Variants in TMEM232 observed in about 807,000 individuals in gnomAD.
TMEM232 encodes the protein transmembrane protein 232.
A neutral mutation model predicts 78.8 loss-of-function variants in TMEM232; 80 were observed. The ratio of observed to expected loss-of-function variants is 1.01; its 90% CI spans 0.85 to 1.22. The LOEUF (loss-of-function observed/expected upper bound fraction) is 1.22. Among genes scored for constraint, TMEM232 ranks in the 50% most tolerant of loss-of-function variants. TMEM232 has a pLI of 0.00. For synonymous variants in TMEM232, 297 were observed against 254.3 expected (o/e 1.17, Z -1.60); for missense variants, 881 against 742.2 (o/e 1.19, Z -2.17).
intron 1 of TMEM232, among the ~76,000 whole-genome samples, chr5:110,686,434 G>A (rs1243846350): frequency 6.6e-6 from 1 of 151,888 alleles, no homozygotes. Flanking sequence ...AGCCATTTTG[G>A]TTGTCCAACC....
chr5:110,699,077 A>C (rs564922137), intron 1 of TMEM232, among the ~76,000 whole-genome samples: 125 of 151,872 alleles, frequency 8.2e-4, no homozygotes, highest in South Asian at 1.9e-3. Context: ...AAACAAAACA[A>C]AAACAAACAA....
At chr5:110,702,400 G>T (rs1241217281) in intron 1 of TMEM232, among the ~76,000 whole-genome samples, 1 of 151,908 alleles carries the variant, frequency 6.6e-6, no homozygotes, top group Non-Finnish European at 1.5e-5. Flanking sequence ...GCTCCTTAAG[G>T]CCACTCAGGA....
intron 2 of TMEM232, among the ~76,000 whole-genome samples, chr5:110,413,953 C>A (rs1255114404): frequency 6.6e-6 from 1 of 152,164 alleles, no homozygotes; most frequent in Non-Finnish European, 1.5e-5. Flanking sequence ...CCAGAAATAA[C>A]CATATGACCC....
At chr5:110,702,141 T>G (rs1365072405) in intron 1 of TMEM232, among the ~76,000 whole-genome samples, 1 of 151,824 alleles carries the variant, frequency 6.6e-6, no homozygotes. Flanking sequence ...GTACTGAACA[T>G]CAGAAGAACA....
chr5:110,389,718 C>T (rs1425404724), intron 4 of TMEM232, among the ~76,000 whole-genome samples: 1 of 152,176 alleles, frequency 6.6e-6, no homozygotes, highest in East Asian at 1.9e-4. Context: ...AAGCTCTTTT[C>T]TAGATGCCAA....
chr5:110,719,419 T>C (rs2161320), intron 1 of TMEM232, among the ~76,000 whole-genome samples: 14,344 of 152,094 alleles, frequency 0.094, 807 homozygotes, highest in South Asian at 0.2. Flanking sequence ...TCTGGACGTA[T>C]TTGTAATGGC....
intron 3 of TMEM232, among the ~76,000 whole-genome samples, chr5:110,395,977 T>G (rs1248752063): frequency 1.3e-5 from 2 of 152,118 alleles, no homozygotes; most frequent in African/African-American, 4.8e-5. Context: ...AGAAGGAGCC[T>G]CATACAAGCA....
intron 12 of TMEM232, among the ~76,000 whole-genome samples, chr5:110,507,418 TCAC>T (rs1186652150): frequency 6.6e-6 from 1 of 152,148 alleles, no homozygotes; most frequent in Non-Finnish European, 1.5e-5. Flanking sequence ...TCCACCATCT[TCAC>T]CACCACTACT....
At chr5:110,487,917 T>C (rs1412963924) in intron 12 of TMEM232, among the ~76,000 whole-genome samples, 1 of 152,024 alleles carries the variant, frequency 6.6e-6, no homozygotes, top group Non-Finnish European at 1.5e-5. Context: ...GTCAAAAGGA[T>C]TGCAACCCCC....
At chr5:110,669,101 T>C (rs1245354361) in intron 1 of TMEM232, among the ~76,000 whole-genome samples, 2 of 152,032 alleles carry the variant, frequency 1.3e-5, no homozygotes, top group Admixed American at 1.3e-4. Context: ...ATTCAAAAGC[T>C]AGCAGAAGGC....
chr5:110,594,539 C>T (rs10060536), intron 10 of TMEM232, among the ~76,000 whole-genome samples: 11,438 of 152,212 alleles, frequency 0.075, 539 homozygotes, highest in South Asian at 0.2. Context: ...TGGAGCCCAG[C>T]AAGCCAAGAA....
intron 1 of TMEM232, chr5:110,720,849 T>C (rs1194371613): frequency 6.6e-6 from 1 of 152,132 alleles, no homozygotes; most frequent in East Asian, 1.9e-4. Context: ...TGATGCACTG[T>C]CATTTATAAA....
At chr5:110,597,122 T>A (rs1561354213) in intron 10 of TMEM232, among the ~76,000 whole-genome samples, 1 of 152,118 alleles carries the variant, frequency 6.6e-6, no homozygotes, top group Non-Finnish European at 1.5e-5. Context: ...AACCCCATTG[T>A]CTCAGCCCAA....
intron 1 of TMEM232, among the ~76,000 whole-genome samples, chr5:110,691,739 T>C (rs965111066): frequency 1.3e-4 from 20 of 152,236 alleles, no homozygotes; most frequent in Admixed American, 1.2e-3. Flanking sequence ...ATTAACATTT[T>C]ACCCTACATA....
At chr5:110,620,577 ATCTCTCTCTCTCTCTCTC>A (rs66736608) in intron 7 of TMEM232, among the ~76,000 whole-genome samples, 6,868 of 43,076 alleles carry the variant, frequency 0.16, 454 homozygotes, top group Non-Finnish European at 0.2. Context: ...TGTCTCTCAT[ATCTCTCTCTCTCTCTCTC>A]TCTCTCTCTC....
chr5:110,426,204 A>G (rs909572832), intron 12 of TMEM232, among the ~76,000 whole-genome samples: 2 of 151,922 alleles, frequency 1.3e-5, no homozygotes, highest in African/African-American at 4.8e-5. Flanking sequence ...CCATTACCAT[A>G]GCTCTCAATC....
chr5:110,552,190 A>C (rs1041260246), intron 11 of TMEM232, among the ~76,000 whole-genome samples: 1 of 152,138 alleles, frequency 6.6e-6, no homozygotes, highest in Non-Finnish European at 1.5e-5. Flanking sequence ...TAAGTGGTAA[A>C]AGTAATAATT....
At chr5:110,432,768 G>A (rs948985503) in intron 12 of TMEM232, among the ~76,000 whole-genome samples, 3 of 151,594 alleles carry the variant, frequency 2.0e-5, no homozygotes, top group African/African-American at 7.3e-5. Flanking sequence ...ATATGCATGG[G>A]TTCAAAGTAA....
rs974027019 is a variant in TMEM232 at position 110,545,764 on chromosome 5, C to T, written c.1456-16929G>A. Among the ~76,000 whole-genome samples, 3 of 152,086 alleles carry T rather than the reference C, an allele frequency of 2.0e-5. No individual in the cohort carries two copies. In the South Asian group the frequency reaches 6.2e-4, roughly 32 times the overall value. Reference sequence around the variant, plus strand: ...CTTTACCTGATGAGTCAAAGGTACTCTGAATAAATTCACATATTCATTTTA... The same window carrying T: ...CTTTACCTGATGAGTCAAAGGTACTTTGAATAAATTCACATATTCATTTTA... On this transcript the variant is annotated intron_variant, in intron 11 of 13. Transcript: ENST00000455884.
Sources: allele counts gnomAD v4.1 joint callset (sites outside exome capture counted in the v4.1 genomes callset), GRCh38; gene constraint gnomAD v4.1.1; transcripts MANE v1.5; gene names NCBI Gene and HGNC (gene_info 2026-07-23, HGNC 2026-07-21).